NME9: variants seen among roughly 807,000 people sequenced by gnomAD.
The protein encoded by NME9 is thioredoxin domain-containing protein 6.
A neutral mutation model predicts 44.4 loss-of-function variants in NME9; 48 were observed. The ratio of observed to expected loss-of-function variants is 1.08; its 90% confidence interval spans 0.86 to 1.37. The LOEUF (loss-of-function observed/expected upper bound fraction) is 1.37. NME9 is among the 40% of genes most tolerant of loss of function. The pLI is 0.00. For missense variants in NME9, 325 were observed against 405.2 expected, an observed-to-expected ratio of 0.80 and a Z score of 1.70; for synonymous variants, 139 against 147.1, an observed-to-expected ratio of 0.94 and a Z score of 0.40.
chr3:138,280,640 C>T (rs2049810889), intron 8 of NME9, among the ~76,000 whole-genome samples: 1 of 151,928 alleles, frequency 6.6e-6, no homozygotes, highest in African/African-American at 2.4e-5. Context: ...ATTATAGGCG[C>T]CTGCCACCAT....
intron 2 of NME9, among the ~76,000 whole-genome samples, chr3:138,321,654 T>C (rs1225721053): frequency 6.6e-6 from 1 of 152,168 alleles, no homozygotes; most frequent in African/African-American, 2.4e-5. Flanking sequence ...GCAGTGTTCA[T>C]TGGTTTAGCC....
intron 8 of NME9, 73 bp downstream of exon 8, chr3:138,305,931 A>G: frequency 1.0e-6 from 1 of 994,238 alleles, no homozygotes; most frequent in Non-Finnish European, 1.6e-6. Context: ...ACAAACTGAT[A>G]TCAATCTATA....
intron 6 of NME9, among the ~76,000 whole-genome samples, chr3:138,310,678 ATAAAT>A (rs1353155059): frequency 6.6e-6 from 1 of 152,234 alleles, no homozygotes; most frequent in African/African-American, 2.4e-5. Context: ...GCATCAGAGA[ATAAAT>A]TAAAAAGGGA....
intron 2 of NME9, among the ~76,000 whole-genome samples, chr3:138,321,423 T>G (rs557667683): frequency 6.6e-6 from 1 of 152,368 alleles, no homozygotes; most frequent in Non-Finnish European, 1.5e-5. Flanking sequence ...AACCCTTTTA[T>G]AAGGGCACTT....
At chr3:138,279,180 A>G (rs911270498) in intron 8 of NME9, among the ~76,000 whole-genome samples, 1 of 152,224 alleles carries the variant, frequency 6.6e-6, no homozygotes, top group Non-Finnish European at 1.5e-5. Context: ...AGAAAGGAAA[A>G]GAAATTATCT....
At chr3:138,306,224 C>T (rs766763201) in intron 7 of NME9, 128 bp from the exon 8 acceptor site, 147 of 829,712 alleles carry the variant, frequency 1.8e-4, no homozygotes, top group Non-Finnish European at 2.7e-4. Flanking sequence ...CTGATCCCCA[C>T]ATTATCTGTC....
rs146099830 is a variant in NME9 at position 138,274,196 on chromosome 3, T to C, written c.746-11610A>G. Among the ~76,000 whole-genome samples, 19 of 151,936 alleles carry C rather than the reference T, an allele frequency of 1.3e-4. No homozygotes were observed. The East Asian group carries it at 3.7e-3, about 29-fold the overall frequency. On this transcript the variant is annotated intron_variant, in intron 8 of 8. Transcript: ENST00000317876. The stretch of plus-strand genomic sequence containing the variant: ...GCTTTCATATTCTGTCAGGTCAACT[T>C]TATGTATGTATGTATGTATGTGTAA...
chr3:138,328,388 T>C (rs1019613114), intron 1 of NME9, among the ~76,000 whole-genome samples: 28 of 131,100 alleles, frequency 2.1e-4, no homozygotes, highest in Non-Finnish European at 3.8e-4. Flanking sequence ...CTTAGAATGA[T>C]GCTGCTTTCC....
chr3:138,301,439 A>G lies in NME9; in HGVS notation c.*201T>C. 3 of 1,032,610 alleles carry G rather than the reference A, an allele frequency of 2.9e-6. No homozygotes were observed. Among genetic ancestry groups the G allele is most frequent in the Admixed American group, 6.7e-5 (2 of 29,812 alleles). 64.0% of individuals were successfully genotyped at this position (1,032,610 alleles called of 1,614,324 possible). A position where few individuals can be genotyped will look rare whatever the true frequency, so the allele number is the denominator to read the frequency against. On this transcript the variant is annotated 3_prime_UTR_variant, in exon 11 of 11. Transcript: ENST00000333911. The stretch of plus-strand genomic sequence containing the variant: ...AGGCTGGTGTCAAACTCCTAATCTC[A>G]GGTGATCCACCTGCCTCGGCCTCCC...
intron 8 of NME9, among the ~76,000 whole-genome samples, chr3:138,281,415 C>T (rs1465313832): frequency 6.6e-6 from 1 of 151,984 alleles, no homozygotes; most frequent in Non-Finnish European, 1.5e-5. Flanking sequence ...GCCTCAGCCT[C>T]CTGAGTAGCT....
chr3:138,264,243 G>A, intron 8 of NME9: 1 of 1,567,700 alleles, frequency 6.4e-7, no homozygotes, highest in Non-Finnish European at 8.8e-7. Context: ...AGTAACAGCT[G>A]TACTCACAGA....
intron 8 of NME9, among the ~76,000 whole-genome samples, chr3:138,295,034 G>T (rs1023926351): frequency 6.6e-6 from 1 of 151,974 alleles, no homozygotes; most frequent in African/African-American, 2.4e-5. Context: ...AAGTGGTTGG[G>T]ATTACAGGTG....
intron 8 of NME9, chr3:138,263,526 CGCCTGTCATTCA>C (rs2047962328): frequency 1.7e-6 from 1 of 586,140 alleles, no homozygotes; most frequent in Non-Finnish European, 3.1e-6. Flanking sequence ...CTGCCCCTTA[CGCCTGTCATTCA>C]GCCTGGCAGG....
chr3:138,288,945 G>C, intron 8 of NME9: 1 of 920,538 alleles, frequency 1.1e-6, no homozygotes, highest in Non-Finnish European at 1.7e-6. Context: ...CCCTGCTTCA[G>C]ACTTTTAGGT....
intron 8 of NME9, among the ~76,000 whole-genome samples, chr3:138,268,813 A>G (rs2048518110): frequency 6.6e-6 from 1 of 152,152 alleles, no homozygotes; most frequent in Non-Finnish European, 1.5e-5. Context: ...ATTCTGAACC[A>G]AAGTGGGGGA....
chr3:138,329,386 C>T lies in NME9; in HGVS notation c.-51G>A. On this transcript the variant is annotated 5_prime_UTR_variant, in exon 1 of 11. Coordinates refer to ENST00000333911, the MANE Select transcript of NME9 (RefSeq NM_001349018.2). ...GTTACCGCGGCCGTGGGCCGTTCCC[C>T]CGCAGCCTCGCGACAAACCGCTGCG... 6.5e-7 allele frequency: 1 copy of T among 1,535,694 alleles called. No homozygotes were observed. The highest frequency in any genetic ancestry group is 8.7e-7 in the Non-Finnish European group (1 of 1,146,716).
intron 8 of NME9, chr3:138,273,026 T>C (rs1205281872): frequency 6.2e-7 from 1 of 1,612,946 alleles, no homozygotes; most frequent in Non-Finnish European, 8.5e-7. Flanking sequence ...GCTTGAGTAC[T>C]GAACAGCTAT....
chr3:138,289,822 G>A (rs886441533), intron 8 of NME9, among the ~76,000 whole-genome samples: 4 of 152,124 alleles, frequency 2.6e-5, no homozygotes, highest in Admixed American at 2.6e-4. Context: ...AGATTTCTGG[G>A]CCCCATCCCT....
intron 8 of NME9, among the ~76,000 whole-genome samples, chr3:138,272,009 A>G (rs2048850430): frequency 6.6e-6 from 1 of 152,066 alleles, no homozygotes; most frequent in African/African-American, 2.4e-5. Context: ...TGTTACTTGG[A>G]ATTTATCATG....
Sources: gnomAD v4.1 joint callset for allele counts (sites outside exome capture counted in the v4.1 genomes callset) on GRCh38, gnomAD v4.1.1 for gene constraint, MANE v1.5 for transcripts, NCBI Gene and HGNC (gene_info 2026-07-23, HGNC 2026-07-21) for gene names.